The following PRKCA variants were observed in gnomAD, a reference collection of about 807,000 sequenced individuals.
PRKCA encodes protein kinase C alpha type.
PRKCA carries 27 observed loss-of-function variants against 87.0 expected under a neutral mutation model. That is an observed-to-expected ratio of 0.31 (90% CI 0.23 to 0.43). The LOEUF is 0.43. PRKCA is among the 20% of genes least tolerant of loss of function. PRKCA has a pLI of 1.00. For synonymous variants in PRKCA, 329 were observed against 311.1 expected, an observed-to-expected ratio of 1.06 and a Z score of -0.61; for missense variants, 518 against 852.3, an observed-to-expected ratio of 0.61 and a Z score of 4.88.
At chr17:66,309,969 T>C (rs1211829370) in intron 2 of PRKCA, among the ~76,000 whole-genome samples, 2 of 152,180 alleles carry the variant, frequency 1.3e-5, no homozygotes, top group Non-Finnish European at 2.9e-5. Context: ...ACTGTACTGC[T>C]CAAATGCACT....
rs1227455431 is a variant in PRKCA at position 66,736,088 on chromosome 17, C to T, written c.1230+426C>T. Among the ~76,000 whole-genome samples the T allele has an allele frequency of 5.9e-5, 9 of 151,438 alleles. No homozygotes were observed. The South Asian group carries it at 1.7e-3, about 28-fold the overall frequency. Reference sequence around the variant, plus strand: ...TAGAGACGGGGGTTTCACCATGTTTCCCAGGCTGGTCTTAAACTCCTGAGC... The same window carrying T: ...TAGAGACGGGGGTTTCACCATGTTTTCCAGGCTGGTCTTAAACTCCTGAGC... On this transcript the variant is annotated intron_variant, in intron 10 of 16. Coordinates refer to ENST00000413366, the MANE Select transcript of PRKCA (RefSeq NM_002737.3).
chr17:66,744,435 G>A (rs1974227716), intron 13 of PRKCA, among the ~76,000 whole-genome samples: 1 of 152,210 alleles, frequency 6.6e-6, no homozygotes, highest in African/African-American at 2.4e-5. Flanking sequence ...TAAAAGCTTA[G>A]TGATGGGGAA....
intron 5 of PRKCA, among the ~76,000 whole-genome samples, chr17:66,649,528 G>T (rs1971537840): frequency 6.6e-6 from 1 of 152,178 alleles, no homozygotes; most frequent in Non-Finnish European, 1.5e-5. Flanking sequence ...GAAGGAAATG[G>T]CTCCAAGTTA....
At chr17:66,670,451 G>GA in intron 5 of PRKCA, among the ~76,000 whole-genome samples, 1 of 152,332 alleles carries the variant, frequency 6.6e-6, no homozygotes, top group Non-Finnish European at 1.5e-5. Context: ...TCATACCCTT[G>GA]GGGAGAGGAG....
At chr17:66,525,296 C>T (rs1184030652) in intron 3 of PRKCA, among the ~76,000 whole-genome samples, 1 of 152,158 alleles carries the variant, frequency 6.6e-6, no homozygotes, top group East Asian at 1.9e-4. Flanking sequence ...TCAAGATGCT[C>T]ACCATCAGCA....
intron 13 of PRKCA, among the ~76,000 whole-genome samples, chr17:66,765,418 C>CTATATATACATATATATATA (rs1555646686): frequency 4.1e-5 from 2 of 49,310 alleles, no homozygotes; most frequent in African/African-American, 7.5e-5. Context: ...AAGACTTTGT[C>CTATATATACATATATATATA]TATATATATA....
chr17:66,428,461 T>A (rs1331774889), intron 2 of PRKCA, among the ~76,000 whole-genome samples: 2 of 151,926 alleles, frequency 1.3e-5, no homozygotes, highest in Non-Finnish European at 2.9e-5. Context: ...TTCAAGAAAG[T>A]TGAAAAAGAT....
chr17:66,779,073 G>A lies in PRKCA; in HGVS notation c.1605+5006G>A, dbSNP rs1975138426. ...GAAAGGATAATGAAGGCTCTACCCA[G>A]TATTATCCACAGCCCCTCCAAGCTT... On this transcript the variant is annotated intron_variant, in intron 14 of 16. Transcript: ENST00000413366. Among the ~76,000 whole-genome samples, 3 of 152,134 alleles carry A rather than the reference G, an allele frequency of 2.0e-5. No individual in the cohort carries two copies. The South Asian group carries it at 6.2e-4, about 32-fold the overall frequency.
At chr17:66,706,369 C>T (rs750797352) in intron 8 of PRKCA, among the ~76,000 whole-genome samples, 4 of 152,136 alleles carry the variant, frequency 2.6e-5, no homozygotes, top group Admixed American at 1.3e-4. Flanking sequence ...GGTGCGGTGG[C>T]TCACGCCTAT....
At chr17:66,747,134 A>G (rs1460745978) in intron 13 of PRKCA, among the ~76,000 whole-genome samples, 1 of 152,164 alleles carries the variant, frequency 6.6e-6, no homozygotes, top group East Asian at 1.9e-4. Context: ...TGCAGTAGCA[A>G]TCATAGCTCC....
intron 2 of PRKCA, among the ~76,000 whole-genome samples, chr17:66,391,987 T>C (rs1330357693): frequency 6.6e-6 from 1 of 152,052 alleles, no homozygotes; most frequent in Non-Finnish European, 1.5e-5. Flanking sequence ...TCCCAGCACT[T>C]TGGGAGGCCG....
At chr17:66,334,877 TAAAC>T in intron 2 of PRKCA, among the ~76,000 whole-genome samples, 1 of 152,158 alleles carries the variant, frequency 6.6e-6, no homozygotes, top group Non-Finnish European at 1.5e-5. Flanking sequence ...GATGAATGGA[TAAAC>T]AAAGTATGGG....
Position 66,742,634 on chromosome 17 carries a change from A to G in PRKCA, c.1398A>G (p.Leu466=). The G allele has an allele frequency of 6.2e-7, 1 of 1,614,204 alleles. No homozygotes were observed. The highest frequency in any genetic ancestry group is 8.5e-7 in the Non-Finnish European group (1 of 1,180,010). ...CGGTTCCTTGCAGGGATCTGAAGTT[A>G]GATAACGTCATGTTGGATTCAGAAG... The part of the protein sequence containing the change: ...KRGIIYRDLK[L]DNVMLDSEGH... The change falls in exon 13 of 17, where the codon TTA becomes TTG. Residue 466 remains leucine, a synonymous_variant. Coordinates refer to ENST00000413366, the MANE Select transcript of PRKCA (RefSeq NM_002737.3).
At chr17:66,680,511 G>A (rs1432586668) in intron 5 of PRKCA, among the ~76,000 whole-genome samples, 1 of 152,216 alleles carries the variant, frequency 6.6e-6, no homozygotes, top group Non-Finnish European at 1.5e-5. Context: ...AAGCAAAACA[G>A]ATCATTTGGA....
At chr17:66,712,557 G>C (rs1303254814) in intron 8 of PRKCA, among the ~76,000 whole-genome samples, 1 of 152,120 alleles carries the variant, frequency 6.6e-6, no homozygotes, top group African/African-American at 2.4e-5. Flanking sequence ...CACCTCCCTG[G>C]GTTCTTGCCT....
At position 66,776,702 on chromosome 17, in the gene PRKCA, C is replaced by T. The variant is rs61762777; in HGVS notation, c.1605+2635C>T. On this transcript the variant is annotated intron_variant, in intron 14 of 16. Coordinates refer to ENST00000413366, the MANE Select transcript of PRKCA (RefSeq NM_002737.3). ...TACACTTGGAAGAGGGCCAAGCCGG[C>T]GACTTGAGAGATCTAGTGCACTCTT... Among the ~76,000 whole-genome samples, 540 of 152,258 alleles carry T rather than the reference C, an allele frequency of 3.5e-3. 1 individual carries two copies. The highest frequency in any genetic ancestry group is 5.3e-3 in the Non-Finnish European group (360 of 68,030).
rs534077295 is a variant in PRKCA, at chr17:66,608,765, T to C, written c.289-32590T>C. Among the ~76,000 whole-genome samples the C allele has an allele frequency of 2.5e-4, 38 of 152,258 alleles. No individual in the cohort carries two copies. In the South Asian group the frequency reaches 3.3e-3, roughly 13 times the overall value. On this transcript the variant is annotated intron_variant, in intron 3 of 16. Transcript: ENST00000413366. ...GGAGGAGGGAAGAGCGTAGAGCTAT[T>C]CTCCCTGAAAAGAAATAGGCCAAGA...
chr17:66,691,327 C>T (rs188905716), intron 8 of PRKCA, among the ~76,000 whole-genome samples: 5 of 152,050 alleles, frequency 3.3e-5, no homozygotes, highest in East Asian at 1.9e-4. Context: ...TAAAAAGGTG[C>T]ATGTATCTGT....
chr17:66,305,487 G>A (rs945123909), intron 1 of PRKCA, among the ~76,000 whole-genome samples: 5 of 152,200 alleles, frequency 3.3e-5, no homozygotes, highest in African/African-American at 1.2e-4. Flanking sequence ...GAACAAAATA[G>A]CCTCCCTATG....
Sources: gnomAD v4.1 joint callset for allele counts (sites outside exome capture counted in the v4.1 genomes callset) on GRCh38, gnomAD v4.1.1 for gene constraint, MANE v1.5 for transcripts, NCBI Gene and HGNC (gene_info 2026-07-23, HGNC 2026-07-21) for gene names.